Variants in ICE1 observed in about 807,000 individuals in gnomAD.
ICE1 encodes the protein little elongation complex subunit 1.
In ICE1, 64 loss-of-function variants were observed where a neutral mutation model predicts 192.7. The ratio of observed to expected loss-of-function variants is 0.33; its 90% CI spans 0.27 to 0.41. The LOEUF is 0.41. ICE1 is among the 10% of genes least tolerant of loss of function. ICE1 has a pLI of 1.00. For missense variants in ICE1, 2,708 were observed against 2,696.0 expected, an observed-to-expected ratio of 1.00 and a Z score of -0.10; for synonymous variants, 1,010 against 984.5, an observed-to-expected ratio of 1.03 and a Z score of -0.49.
rs530575909 is a variant in ICE1, at chr5:5,468,777, A to C, written c.6062-51A>C. The C allele has an allele frequency of 7.9e-6, 9 of 1,137,220 alleles. No individual in the cohort carries two copies. In the African/African-American group the frequency reaches 1.5e-4, roughly 18 times the overall value. The allele number at this position is 1,137,220 out of a possible 1,614,324, so 70.4% of individuals were successfully genotyped here. ...ACAATTTGTTCTTAATTTGCAATTT[A>C]TTTACTCGATCATACATCAAAGAGT... On this transcript the variant is annotated intron_variant, in intron 14 of 18. Coordinates refer to ENST00000296564, the MANE Select transcript of ICE1 (RefSeq NM_015325.3).
In ICE1 at chr5:5,462,947, G is replaced by A. The variant is rs746874866; in HGVS notation, c.3613G>A (p.Glu1205Lys). Residue 1205 changes from glutamate (E) to lysine (K), a missense_variant, in exon 13 of 19, where the codon GAA becomes AAA. By Grantham distance (56) the Glu-to-Lys change is moderately conservative. This residue lies in a region of ICE1 where 2,366 missense variants were observed against 2,276.6 expected (regional missense o/e 1.04). Transcript: ENST00000296564. ...ECSSKGTLSK[E>K]MNKELKASEI... ...TTCTAGTAAAGGAACCCTAAGTAAA[G>A]AAATGAACAAAGAATTAAAGGCAAG... 3 of 1,612,074 alleles carry A rather than the reference G, an allele frequency of 1.9e-6. No individual in the cohort carries two copies. The highest frequency in any genetic ancestry group is 2.5e-6 in the Non-Finnish European group (3 of 1,178,938).
intron 17 of ICE1, among the ~76,000 whole-genome samples, chr5:5,485,425 G>T: frequency 6.6e-6 from 1 of 152,134 alleles, no homozygotes; most frequent in Non-Finnish European, 1.5e-5. Context: ...TTTCATATCC[G>T]TAAGACTGAA....
rs1738267149 is a variant in ICE1 at position 5,447,519 on chromosome 5, A to G, written c.507+10A>G. 6.5e-7 allele frequency: 1 copy of G among 1,540,350 alleles called. No individual in the cohort carries two copies. On this transcript the variant is annotated intron_variant, in intron 8 of 18. Coordinates refer to ENST00000296564, the MANE Select transcript of ICE1 (RefSeq NM_015325.3). ...ATTTAAGAAGACACAGGTACTAGATAAAAGCAGCATACACACACCTTAAAT... is the reference window on the plus strand; with the variant it reads ...ATTTAAGAAGACACAGGTACTAGATGAAAGCAGCATACACACACCTTAAAT...
At chr5:5,469,956 G>A (rs1320357856) in intron 15 of ICE1, among the ~76,000 whole-genome samples, 1 of 152,148 alleles carries the variant, frequency 6.6e-6, no homozygotes, top group Non-Finnish European at 1.5e-5. Context: ...CCAGAGGGCT[G>A]CCAGCTTCCG....
rs1738809642 is a variant in ICE1 at position 5,462,096 on chromosome 5, T to C, written c.2762T>C (p.Val921Ala). Residue 921 changes from valine to alanine, a missense_variant, in exon 13 of 19, where the codon GTG (valine) becomes GCG (alanine). Physicochemically the swap from Val to Ala is moderately conservative, Grantham distance 64 (BLOSUM62 0). Coordinates refer to ENST00000296564, the MANE Select transcript of ICE1 (RefSeq NM_015325.3). ...TTQNITEVAA[V>A]KSISPEVSAS... The stretch of plus-strand genomic sequence containing the variant: ...CAAAACATCACGGAGGTGGCTGCTG[T>C]GAAAAGCATTTCACCAGAAGTTTCT... 1 of 1,613,730 alleles carries C rather than the reference T, an allele frequency of 6.2e-7. No individual in the cohort carries two copies.
intron 5 of ICE1, 37 bp downstream of exon 5, chr5:5,441,260 A>G (rs779819033): frequency 2.4e-5 from 30 of 1,271,464 alleles, no homozygotes; most frequent in South Asian, 5.1e-5. Flanking sequence ...TTTACGGTCA[A>G]TAAATTAGGA....
In ICE1 at chr5:5,422,795, C is replaced by T. The variant is rs977064788; in HGVS notation, c.-121C>T. ...GGACCTCTGTGCACGGATGGACCCG[C>T]CCGGACCTGGCGGGAAGCGGCCTGG... On this transcript the variant is annotated 5_prime_UTR_variant, in exon 1 of 19. Coordinates refer to ENST00000296564, the MANE Select transcript of ICE1 (RefSeq NM_015325.3). 1.5e-5 allele frequency: 10 copies of T among 645,292 alleles called. No individual in the cohort carries two copies. The highest frequency in any genetic ancestry group is 2.2e-5 in the Non-Finnish European group (10 of 457,520). The allele number at this position is 645,292 out of a possible 1,614,324, so 40.0% of individuals were successfully genotyped here.
intron 13 of ICE1, among the ~76,000 whole-genome samples, chr5:5,465,438 A>C (rs1270165509): frequency 6.6e-6 from 1 of 152,218 alleles, no homozygotes; most frequent in Non-Finnish European, 1.5e-5. Flanking sequence ...ATTTCTATTC[A>C]TTAAATTACT....
intron 10 of ICE1, among the ~76,000 whole-genome samples, chr5:5,452,505 A>T (rs148860956): frequency 3.3e-5 from 5 of 152,140 alleles, no homozygotes; most frequent in Admixed American, 3.3e-4. Context: ...AAACTGAAAC[A>T]TTCCTTAAAA....
Position 5,461,399 on chromosome 5 carries a change from C to G in ICE1, c.2065C>G (p.Pro689Ala). ...TLNTLHLQSEPPECSIGGNNL... is the reference protein window; with the variant it reads ...TLNTLHLQSEAPECSIGGNNL... ...AAACACATTACATCTGCAGTCTGAG[C>G]CACCGGAGTGTTCTATAGGAGGAAA... The change falls in exon 13 of 19, where the codon CCA (proline) becomes GCA (alanine). Residue 689 changes from proline to alanine, a missense_variant. Physicochemically the swap from Pro to Ala is conservative, Grantham distance 27. Coordinates refer to ENST00000296564, the MANE Select transcript of ICE1 (RefSeq NM_015325.3). 1 of 1,613,922 alleles carries G rather than the reference C, an allele frequency of 6.2e-7. No homozygotes were observed. Among genetic ancestry groups the G allele is most frequent in the Non-Finnish European group, 8.5e-7 (1 of 1,179,874 alleles).
At chr5:5,488,907 A>G (rs557114739) in intron 18 of ICE1, among the ~76,000 whole-genome samples, 25 of 152,274 alleles carry the variant, frequency 1.6e-4, no homozygotes, top group African/African-American at 6.0e-4. Flanking sequence ...AAAAACACAC[A>G]AACAGTCCTC....
intron 3 of ICE1, among the ~76,000 whole-genome samples, chr5:5,438,571 T>C (rs1381841270): frequency 1.3e-5 from 2 of 152,214 alleles, no homozygotes; most frequent in Non-Finnish European, 2.9e-5. Flanking sequence ...GAAACAATTA[T>C]CACAACTTTT....
At chr5:5,479,064 A>G (rs946924988) in intron 17 of ICE1, among the ~76,000 whole-genome samples, 4 of 152,240 alleles carry the variant, frequency 2.6e-5, no homozygotes. Flanking sequence ...TAAAACGCCA[A>G]AAGCAATTGC....
At position 5,463,858 on chromosome 5, in the gene ICE1, T is replaced by C. The variant is rs367896965; in HGVS notation, c.4524T>C (p.Ser1508=). ...SSGQSTNFDK[S]RLRNRPVKPS... ...GTCAGAGCACCAACTTTGATAAGAGTCGTTTGCGAAATAGACCCGTTAAGC... is the reference window on the plus strand; with the variant it reads ...GTCAGAGCACCAACTTTGATAAGAGCCGTTTGCGAAATAGACCCGTTAAGC... The change falls in exon 13 of 19, where the codon AGT becomes AGC. Residue 1508 remains serine (S), a synonymous_variant. Coordinates refer to ENST00000296564, the MANE Select transcript of ICE1 (RefSeq NM_015325.3). 8.7e-6 allele frequency: 14 copies of C among 1,613,608 alleles called. No homozygotes were observed. The highest frequency in any genetic ancestry group is 1.3e-5 in the African/African-American group (1 of 74,842).
At chr5:5,435,811 A>AG (rs1199473878) in intron 1 of ICE1, among the ~76,000 whole-genome samples, 2 of 151,840 alleles carry the variant, frequency 1.3e-5, no homozygotes, top group Non-Finnish European at 2.9e-5. Flanking sequence ...CTAGGATTAC[A>AG]GGTGCCCACC....
intron 17 of ICE1, among the ~76,000 whole-genome samples, chr5:5,484,016 G>C (rs1241307813): frequency 1.3e-5 from 2 of 152,176 alleles, no homozygotes; most frequent in East Asian, 1.9e-4. Flanking sequence ...CAGCTCTGCT[G>C]GGGCTCCCTT....
chr5:5,424,778 T>C (rs1737474244), intron 1 of ICE1, among the ~76,000 whole-genome samples: 2 of 152,166 alleles, frequency 1.3e-5, no homozygotes, highest in Admixed American at 1.3e-4. Flanking sequence ...AAGTCTCCCA[T>C]ACAGTGGAAA....
chr5:5,456,286 T>C (rs537140871), intron 11 of ICE1, among the ~76,000 whole-genome samples: 8 of 152,326 alleles, frequency 5.3e-5, no homozygotes, highest in Admixed American at 2.6e-4. Context: ...GTGCAAATAT[T>C]CTGTTTCTTT....
intron 18 of ICE1, among the ~76,000 whole-genome samples, chr5:5,487,765 C>G (rs1739672171): frequency 6.6e-6 from 1 of 152,214 alleles, no homozygotes; most frequent in African/African-American, 2.4e-5. Context: ...AACCTAGAAG[C>G]TGTGGTAATC....
Sources: allele counts gnomAD v4.1 joint callset (sites outside exome capture counted in the v4.1 genomes callset), GRCh38; gene constraint gnomAD v4.1.1; regional missense constraint gnomAD v4.1.1; transcripts MANE v1.5; gene names NCBI Gene and HGNC (gene_info 2026-07-23, HGNC 2026-07-21).